The following AUTS2 variants were observed in gnomAD, a reference collection of about 807,000 sequenced individuals.
The protein encoded by AUTS2 is activator of transcription and developmental regulator AUTS2, also known as autism susceptibility gene 2 protein.
A neutral mutation model predicts 112.4 loss-of-function variants in AUTS2; 17 were observed. The observed-to-expected ratio is 0.15, with a 90% CI of 0.10 to 0.23. The LOEUF is 0.23. Ranked by LOEUF, AUTS2 falls within the 10% of genes least tolerant of loss-of-function variation. AUTS2 has a pLI of 1.00. For missense variants in AUTS2, 1,510 were observed against 1,701.6 expected, an observed-to-expected ratio of 0.89 and a Z score of 1.98; for synonymous variants, 751 against 702.7, an observed-to-expected ratio of 1.07 and a Z score of -1.09.
chr7:70,693,127 C>A (rs1443059178), intron 5 of AUTS2, among the ~76,000 whole-genome samples: 1 of 152,196 alleles, frequency 6.6e-6, no homozygotes. Flanking sequence ...CCTTGTCAAG[C>A]TGCAGGTGTG....
At chr7:69,810,861 T>TA (rs1188763198) in intron 1 of AUTS2, among the ~76,000 whole-genome samples, 1 of 152,164 alleles carries the variant, frequency 6.6e-6, no homozygotes, top group Non-Finnish European at 1.5e-5. Flanking sequence ...CTAGAAAACA[T>TA]AACGTGAAAT....
chr7:69,902,659 C>A (rs1057427537), intron 2 of AUTS2, among the ~76,000 whole-genome samples: 2 of 152,040 alleles, frequency 1.3e-5, no homozygotes, highest in Non-Finnish European at 2.9e-5. Flanking sequence ...TCTGAGACTC[C>A]GTTGAAGGCA....
At chr7:69,708,184 G>A (rs890497182) in intron 1 of AUTS2, among the ~76,000 whole-genome samples, 2 of 152,138 alleles carry the variant, frequency 1.3e-5, no homozygotes, top group Admixed American at 6.5e-5. Flanking sequence ...ACCAAGCCCA[G>A]TGTGATATCA....
At chr7:70,692,823 T>C (rs942032181) in intron 5 of AUTS2, among the ~76,000 whole-genome samples, 2 of 151,446 alleles carry the variant, frequency 1.3e-5, no homozygotes, top group African/African-American at 4.9e-5. Flanking sequence ...CAAATAGTGA[T>C]AGACATGCAA....
At chr7:70,323,301 A>G (rs1453697233) in intron 4 of AUTS2, among the ~76,000 whole-genome samples, 2 of 152,204 alleles carry the variant, frequency 1.3e-5, no homozygotes, top group African/African-American at 2.4e-5. Context: ...AGTAAGTGGA[A>G]AGGAGACGGA....
chr7:70,527,918 C>A (rs1450893483), intron 5 of AUTS2, among the ~76,000 whole-genome samples: 2 of 152,052 alleles, frequency 1.3e-5, no homozygotes, highest in African/African-American at 4.8e-5. Flanking sequence ...GCATTGGGGC[C>A]TGGAGTTTAG....
At chr7:70,445,875 A>T (rs1796298548) in intron 5 of AUTS2, among the ~76,000 whole-genome samples, 1 of 152,228 alleles carries the variant, frequency 6.6e-6, no homozygotes, top group South Asian at 2.1e-4. Flanking sequence ...TTTATTGGTT[A>T]TCCAAGTCTC....
intron 6 of AUTS2, among the ~76,000 whole-genome samples, chr7:70,746,736 A>C (rs1192889192): frequency 6.6e-6 from 1 of 152,018 alleles, no homozygotes; most frequent in Non-Finnish European, 1.5e-5. Flanking sequence ...GCAGGCCTTG[A>C]TGAGGAGTTG....
At chr7:70,222,748 AC>A (rs1324058235) in intron 4 of AUTS2, among the ~76,000 whole-genome samples, 1 of 152,186 alleles carries the variant, frequency 6.6e-6, no homozygotes, top group Non-Finnish European at 1.5e-5. Flanking sequence ...GACATCTAGT[AC>A]AGTATACAGT....
intron 1 of AUTS2, among the ~76,000 whole-genome samples, chr7:69,670,889 G>A (rs1026811993): frequency 6.6e-6 from 1 of 152,024 alleles, no homozygotes; most frequent in South Asian, 2.1e-4. Context: ...TCGTTTTAGG[G>A]TTTCTATTTG....
chr7:70,500,764 C>G (rs568850782), intron 5 of AUTS2, among the ~76,000 whole-genome samples: 1 of 151,486 alleles, frequency 6.6e-6, no homozygotes, highest in Non-Finnish European at 1.5e-5. Context: ...CTTTGTTGCT[C>G]AGGCTGGAGT....
intron 3 of AUTS2, among the ~76,000 whole-genome samples, chr7:70,125,686 G>A (rs1805934182): frequency 6.6e-6 from 1 of 152,040 alleles, no homozygotes; most frequent in East Asian, 1.9e-4. Flanking sequence ...ATTCCACCTG[G>A]GTCACCTCCT....
intron 4 of AUTS2, among the ~76,000 whole-genome samples, chr7:70,430,501 A>G (rs1281174413): frequency 6.6e-6 from 1 of 152,194 alleles, no homozygotes; most frequent in Non-Finnish European, 1.5e-5. Flanking sequence ...AACTTTTCCA[A>G]AGTTACACAG....
At chr7:70,372,628 A>G (rs1480715377) in intron 4 of AUTS2, among the ~76,000 whole-genome samples, 6 of 151,362 alleles carry the variant, frequency 4.0e-5, no homozygotes, top group Non-Finnish European at 8.8e-5. Context: ...TGTACACTTC[A>G]TCTTTGCTTG....
intron 2 of AUTS2, among the ~76,000 whole-genome samples, chr7:70,028,362 C>T (rs1160644661): frequency 6.6e-6 from 1 of 152,206 alleles, no homozygotes; most frequent in African/African-American, 2.4e-5. Context: ...GGGACAGAAC[C>T]TGGCCACTTG....
At chr7:70,440,388 T>C (rs1343581712) in intron 5 of AUTS2, among the ~76,000 whole-genome samples, 1 of 152,146 alleles carries the variant, frequency 6.6e-6, no homozygotes, top group East Asian at 1.9e-4. Context: ...CACTCCAGCC[T>C]GAGTGACAGA....
intron 4 of AUTS2, among the ~76,000 whole-genome samples, chr7:70,343,601 G>A (rs1340247361): frequency 6.6e-6 from 1 of 152,186 alleles, no homozygotes; most frequent in Non-Finnish European, 1.5e-5. Flanking sequence ...GAAACACTAA[G>A]TGGTGGTTTC....
intron 2 of AUTS2, among the ~76,000 whole-genome samples, chr7:70,021,433 A>C (rs747307341): frequency 2.0e-5 from 3 of 152,136 alleles, no homozygotes; most frequent in Non-Finnish European, 4.4e-5. Context: ...GGAGGGAAGG[A>C]GGCCAGCAAA....
At chr7:69,879,319 T>C (rs1218271059) in intron 1 of AUTS2, among the ~76,000 whole-genome samples, 8 of 126,468 alleles carry the variant, frequency 6.3e-5, no homozygotes, top group Non-Finnish European at 1.3e-4. Context: ...ATTTTTTTTT[T>C]CTTTTTTTTT....
Sources: gnomAD v4.1 joint callset for allele counts (sites outside exome capture counted in the v4.1 genomes callset) on GRCh38, gnomAD v4.1.1 for gene constraint, MANE v1.5 for transcripts, NCBI Gene and HGNC (gene_info 2026-07-23, HGNC 2026-07-21) for gene names.